The following TRAPPC11 variants were observed in gnomAD, a reference collection of about 807,000 sequenced individuals.
TRAPPC11 encodes the protein trafficking protein particle complex subunit 11.
TRAPPC11 carries 104 observed loss-of-function variants against 151.2 expected under a neutral mutation model. The ratio of observed to expected loss-of-function variants is 0.69; its 90% CI spans 0.59 to 0.81. The LOEUF (loss-of-function observed/expected upper bound fraction) is 0.81. Ranked by LOEUF, TRAPPC11 falls within the 30% of genes least tolerant of loss-of-function variation. The pLI is 0.00. For missense variants in TRAPPC11, 1,230 were observed against 1,349.6 expected (o/e 0.91, Z 1.39); for synonymous variants, 456 against 472.3 (o/e 0.97, Z 0.45).
At position 183,694,051 on chromosome 4, in the gene TRAPPC11, A is replaced by T; in HGVS notation, c.2508+13A>T. 1 of 1,612,562 alleles carries T rather than the reference A, an allele frequency of 6.2e-7. No homozygotes were observed. The highest frequency in any genetic ancestry group is 8.5e-7 in the Non-Finnish European group (1 of 1,179,106). On this transcript the variant is annotated intron_variant, in intron 22 of 29. Coordinates refer to ENST00000334690, the MANE Select transcript of TRAPPC11 (RefSeq NM_021942.6). ...TCCAGGGGAACAGGTAAACTTGGTC[A>T]ACTGGGATTGAAGAGGAAATCAATT... is the stretch of plus-strand genomic sequence containing the variant.
chr4:183,689,152 A>G (rs1023540842), intron 18 of TRAPPC11, among the ~76,000 whole-genome samples: 7 of 152,202 alleles, frequency 4.6e-5, no homozygotes, highest in Non-Finnish European at 7.3e-5. Context: ...GAGGCTCTTT[A>G]TATTAATCCA....
intron 23 of TRAPPC11, among the ~76,000 whole-genome samples, chr4:183,695,558 A>C (rs1033517262): frequency 2.0e-5 from 3 of 152,086 alleles, no homozygotes; most frequent in African/African-American, 7.2e-5. Flanking sequence ...AAATAGATTC[A>C]ATTGTGCTGT....
chr4:183,693,547 T>C lies in TRAPPC11; in HGVS notation c.2238-42T>C, dbSNP rs544040164. ...TACTTTATTTGAATAATTTATTTGCTTTTTTTTTGATCAGTTACTTAGCTA... is the reference window on the plus strand; with the variant it reads ...TACTTTATTTGAATAATTTATTTGCCTTTTTTTTGATCAGTTACTTAGCTA... On this transcript the variant is annotated intron_variant, in intron 20 of 29. Transcript: ENST00000334690. 6.1e-5 allele frequency: 91 copies of C among 1,502,970 alleles called. No homozygotes were observed. In the South Asian group the frequency reaches 1.1e-3, roughly 18 times the overall value. The allele number at this position is 1,502,970 out of a possible 1,614,324, so 93.1% of individuals were successfully genotyped here. A position where few individuals can be genotyped will look rare whatever the true frequency, so the allele number is the denominator to read the frequency against.
chr4:183,695,916 T>A (rs1222823376), intron 23 of TRAPPC11, among the ~76,000 whole-genome samples: 1 of 152,162 alleles, frequency 6.6e-6, no homozygotes, highest in African/African-American at 2.4e-5. Flanking sequence ...CTCAGCACAT[T>A]ATATGTATTA....
chr4:183,703,195 G>A (rs1224221250), intron 26 of TRAPPC11, among the ~76,000 whole-genome samples: 1 of 152,120 alleles, frequency 6.6e-6, no homozygotes, highest in Non-Finnish European at 1.5e-5. Flanking sequence ...ACAACTGTAG[G>A]CCAGCAGTTC....
intron 3 of TRAPPC11, 58 bp from the exon 4 acceptor site, chr4:183,667,002 T>G (rs1734915817): frequency 1.4e-6 from 2 of 1,410,134 alleles, no homozygotes; most frequent in Admixed American, 3.5e-5. Context: ...TTATGTGAAG[T>G]CATGAATACA....
At chr4:183,675,023 T>C in intron 6 of TRAPPC11, 141 bp from the exon 7 acceptor site, 1 of 562,736 alleles carries the variant, frequency 1.8e-6, no homozygotes, top group Non-Finnish European at 3.0e-6. Flanking sequence ...TTCTTAATTG[T>C]GCCTTTATTT....
chr4:183,660,771 T>C (rs1426299298), intron 1 of TRAPPC11, among the ~76,000 whole-genome samples: 1 of 152,198 alleles, frequency 6.6e-6, no homozygotes, highest in African/African-American at 2.4e-5. Context: ...TGGAGTGCAG[T>C]GGTGCGATCT....
At chr4:183,661,429 T>G (rs7684337) in intron 1 of TRAPPC11, among the ~76,000 whole-genome samples, 4,262 of 137,024 alleles carry the variant, frequency 0.031, 164 homozygotes, top group African/African-American at 0.1. Flanking sequence ...TGGAGTGCAG[T>G]GGCGCGATCT....
intron 8 of TRAPPC11, among the ~76,000 whole-genome samples, 180 bp downstream of exon 8, chr4:183,677,734 G>A (rs1026562440): frequency 3.3e-5 from 5 of 152,130 alleles, no homozygotes; most frequent in African/African-American, 9.7e-5. Context: ...ATTTATAGTA[G>A]TTGTATTTTG....
intron 7 of TRAPPC11, among the ~76,000 whole-genome samples, chr4:183,676,609 G>A (rs1056556844): frequency 2.6e-5 from 4 of 152,198 alleles, no homozygotes; most frequent in African/African-American, 7.2e-5. Flanking sequence ...CCATGTGCAA[G>A]GTAGGCCCTG....
At chr4:183,681,509 G>T (rs1054870440) in intron 10 of TRAPPC11, among the ~76,000 whole-genome samples, 1 of 152,134 alleles carries the variant, frequency 6.6e-6, no homozygotes, top group East Asian at 1.9e-4. Flanking sequence ...GGCCGGGTGC[G>T]GTGGCTCACG....
rs1290042302 is a variant in TRAPPC11 at position 183,675,216 on chromosome 4, A to C, written c.713A>C (p.Gln238Pro). The change falls in exon 7 of 30, where the codon CAA (glutamine) becomes CCA (proline). Residue 238 changes from glutamine (Q) to proline (P), a missense_variant. Gln to Pro is a moderately conservative substitution (Grantham distance 76, BLOSUM62 -1). Coordinates refer to ENST00000334690, the MANE Select transcript of TRAPPC11 (RefSeq NM_021942.6). Reference sequence around the variant, plus strand: ...ATAGCTTTCTTCAGTGAGTTGAAACAAGATACACAAAATGCGCTGAAGTAA... The same window carrying C: ...ATAGCTTTCTTCAGTGAGTTGAAACCAGATACACAAAATGCGCTGAAGTAA... ...FKIAFFSELK[Q>P]DTQNALKNYR... 1.3e-6 allele frequency: 2 copies of C among 1,543,380 alleles called. No individual in the cohort carries two copies. Among genetic ancestry groups the C allele is most frequent in the East Asian group, 4.6e-5 (2 of 43,072 alleles).
At chr4:183,678,746 G>C (rs1276110586) in intron 8 of TRAPPC11, among the ~76,000 whole-genome samples, 1 of 152,212 alleles carries the variant, frequency 6.6e-6, no homozygotes, top group African/African-American at 2.4e-5. Context: ...GAATGGATGA[G>C]AGACTGACTT....
At chr4:183,660,051 G>C (rs1394688950) in intron 1 of TRAPPC11, among the ~76,000 whole-genome samples, 1 of 152,040 alleles carries the variant, frequency 6.6e-6, no homozygotes, top group Non-Finnish European at 1.5e-5. Context: ...GCCTCCTTTC[G>C]TGTATAGTTT....
intron 18 of TRAPPC11, among the ~76,000 whole-genome samples, chr4:183,687,397 T>G (rs1457999565): frequency 6.6e-6 from 1 of 152,082 alleles, no homozygotes; most frequent in African/African-American, 2.4e-5. Flanking sequence ...TAGAGTGCAT[T>G]GGTGCAATCA....
At chr4:183,685,023 A>G in intron 15 of TRAPPC11, 61 bp from the exon 16 acceptor site, 3 of 1,508,516 alleles carry the variant, frequency 2.0e-6, no homozygotes, top group Admixed American at 1.9e-5. Flanking sequence ...AAAACAATAA[A>G]TGGGGGTAGT....
At position 183,706,921 on chromosome 4, in the gene TRAPPC11, TGTTCTCAG is replaced by T. The variant is rs1400419850; in HGVS notation, c.3173_3180del (p.Phe1058SerfsTer19). ...TCTGTGGAGCCCAGTGATGCCTTCA[TGTTCTCAG>T]GTCTCAAACAGGTACAGGTCATATC... On this transcript the variant is annotated frameshift_variant, in exon 28 of 30. Transcript: ENST00000334690. LOFTEE classifies it high-confidence loss of function. 3 of 1,614,166 alleles carry T rather than the reference TGTTCTCAG, an allele frequency of 1.9e-6. No homozygotes were observed. The highest frequency in any genetic ancestry group is 2.5e-6 in the Non-Finnish European group (3 of 1,180,018).
intron 10 of TRAPPC11, among the ~76,000 whole-genome samples, chr4:183,680,964 A>G (rs565537460): frequency 6.6e-6 from 1 of 152,084 alleles, no homozygotes; most frequent in East Asian, 1.9e-4. Context: ...AAGTGCTGGA[A>G]TTACAGGCGT....
Sources: gnomAD v4.1 joint callset for allele counts (sites outside exome capture counted in the v4.1 genomes callset) on GRCh38, gnomAD v4.1.1 for gene constraint, MANE v1.5 for transcripts, NCBI Gene and HGNC (gene_info 2026-07-23, HGNC 2026-07-21) for gene names.